The following GLIS1 variants were observed in gnomAD, a reference collection of about 807,000 sequenced individuals.
GLIS1 encodes zinc finger protein GLIS1.
GLIS1 carries 24 observed loss-of-function variants against 63.8 expected under a neutral mutation model. The observed-to-expected ratio is 0.38, with a 90% CI of 0.27 to 0.53. The LOEUF is 0.53. Among genes scored for constraint, GLIS1 ranks in the 20% least tolerant of loss-of-function variants. The pLI is 0.85. For missense variants in GLIS1, 1,036 were observed against 1,074.1 expected, an observed-to-expected ratio of 0.96 and a Z score of 0.50; for synonymous variants, 450 against 482.5, an observed-to-expected ratio of 0.93 and a Z score of 0.88.
chr1:53,586,104 G>A (rs1208272311), intron 4 of GLIS1, among the ~76,000 whole-genome samples: 1 of 152,112 alleles, frequency 6.6e-6, no homozygotes, highest in Admixed American at 6.5e-5. Context: ...ACGAGGCTCT[G>A]ACCTAATTGC....
intron 4 of GLIS1, among the ~76,000 whole-genome samples, chr1:53,580,253 C>G (rs1645072053): frequency 1.3e-5 from 2 of 152,198 alleles, no homozygotes; most frequent in African/African-American, 4.8e-5. Flanking sequence ...CCTGCACCCT[C>G]TTTCAGGGCT....
chr1:53,525,640 C>T (rs1460284514), intron 5 of GLIS1, among the ~76,000 whole-genome samples: 4 of 151,650 alleles, frequency 2.6e-5, no homozygotes, highest in Non-Finnish European at 5.9e-5. Flanking sequence ...CCCTCCAGGC[C>T]TCAGGCTCCC....
Position 53,623,136 on chromosome 1 carries a change from A to C in GLIS1, c.260-22858T>G, listed in dbSNP as rs543003986. Among the ~76,000 whole-genome samples, 11 of 152,344 alleles carry C rather than the reference A, an allele frequency of 7.2e-5. No individual in the cohort carries two copies. The East Asian group carries it at 9.6e-4, about 13-fold the overall frequency. ...ATTCTTTCTTTACAATTTCATATTA[A>C]TGGTTAATGTGTATCGAATCTGATA... On this transcript the variant is annotated intron_variant, in intron 2 of 10. Coordinates refer to ENST00000628545, the MANE Select transcript of GLIS1 (RefSeq NM_001367484.1).
At chr1:53,558,166 C>T (rs947772540) in intron 4 of GLIS1, among the ~76,000 whole-genome samples, 1 of 152,210 alleles carries the variant, frequency 6.6e-6, no homozygotes, top group Admixed American at 6.5e-5. Context: ...AGCCTGCCCT[C>T]GGAGGTGCAA....
intron 2 of GLIS1, among the ~76,000 whole-genome samples, chr1:53,636,216 C>A (rs1645720137): frequency 6.6e-6 from 1 of 152,040 alleles, no homozygotes; most frequent in Non-Finnish European, 1.5e-5. Context: ...ACAAATGAAA[C>A]CCAATAGCAT....
At chr1:53,559,387 A>C (rs1200633396) in intron 4 of GLIS1, among the ~76,000 whole-genome samples, 1 of 152,110 alleles carries the variant, frequency 6.6e-6, no homozygotes, top group African/African-American at 2.4e-5. Flanking sequence ...TTGGACTCTG[A>C]GATGGAAGGA....
At chr1:53,671,659 G>A (rs532187104) in intron 2 of GLIS1, among the ~76,000 whole-genome samples, 1 of 152,298 alleles carries the variant, frequency 6.6e-6, no homozygotes, top group East Asian at 1.9e-4. Flanking sequence ...CCCTCCATTA[G>A]GAATATTTTA....
intron 2 of GLIS1, among the ~76,000 whole-genome samples, chr1:53,694,523 C>T (rs1646443766): frequency 6.6e-6 from 1 of 152,196 alleles, no homozygotes; most frequent in Non-Finnish European, 1.5e-5. Flanking sequence ...CTGGGCCCAG[C>T]CCATGAATTA....
chr1:53,508,124 T>C (rs949702661), intron 10 of GLIS1, among the ~76,000 whole-genome samples: 1 of 150,320 alleles, frequency 6.7e-6, no homozygotes. Flanking sequence ...TGCACACAGA[T>C]GGGGTTCACG....
intron 2 of GLIS1, among the ~76,000 whole-genome samples, chr1:53,693,363 TC>T (rs10714858): frequency 0.25 from 38,372 of 152,038 alleles, 5,205 homozygotes; most frequent in African/African-American, 0.36. Flanking sequence ...AGATCCATCT[TC>T]CCTGCTGCTG....
chr1:53,606,701 C>A (rs11806501), intron 2 of GLIS1, among the ~76,000 whole-genome samples: 17 of 152,350 alleles, frequency 1.1e-4, no homozygotes, highest in Admixed American at 6.5e-4. Flanking sequence ...AGACCTGCTG[C>A]TTGCCTGGAG....
chr1:53,506,787 T>C lies in GLIS1; in HGVS notation c.2231-11A>G. 3 of 1,606,668 alleles carry C rather than the reference T, an allele frequency of 1.9e-6. No homozygotes were observed. Among genetic ancestry groups the C allele is most frequent in the South Asian group, 2.2e-5 (2 of 91,022 alleles). The stretch of plus-strand genomic sequence containing the variant: ...CCAGGGCCTCATAGCCTGTGAGTGG[T>C]TGGGAAAGGGTCAGCGCTGGAGGCA... On this transcript the variant is annotated splice_polypyrimidine_tract_variant and intron_variant, in intron 10 of 10. Coordinates refer to ENST00000628545, the MANE Select transcript of GLIS1 (RefSeq NM_001367484.1).
intron 4 of GLIS1, among the ~76,000 whole-genome samples, chr1:53,562,120 C>T (rs993880033): frequency 2.0e-5 from 3 of 152,160 alleles, no homozygotes; most frequent in Admixed American, 6.5e-5. Context: ...AGTGCATGCA[C>T]GGTTAAGGGG....
At chr1:53,570,651 G>T (rs145111719) in intron 4 of GLIS1, among the ~76,000 whole-genome samples, 31 of 152,266 alleles carry the variant, frequency 2.0e-4, no homozygotes, top group Non-Finnish European at 4.0e-4. Context: ...TAGGCTCATA[G>T]ATATACAGAG....
chr1:53,698,214 T>C (rs368608170), intron 2 of GLIS1, among the ~76,000 whole-genome samples: 3 of 152,244 alleles, frequency 2.0e-5, no homozygotes, highest in African/African-American at 7.2e-5. Flanking sequence ...GGAAGGACCT[T>C]AGGCCACAGC....
chr1:53,626,655 C>CCTT lies in GLIS1; in HGVS notation c.260-26378_260-26377insAAG, dbSNP rs200147932. 1.1e-4 allele frequency among the ~76,000 whole-genome samples: 16 copies of CCTT among 152,356 alleles called. No individual in the cohort carries two copies. In the East Asian group the frequency reaches 1.7e-3, roughly 17 times the overall value. On this transcript the variant is annotated intron_variant, in intron 2 of 10. Coordinates refer to ENST00000628545, the MANE Select transcript of GLIS1 (RefSeq NM_001367484.1). ...TGACAACCAAGATCTGAGAACACAG[C>CCTT]CTGGCTCAGAACAGAAATTCACCAA...
At chr1:53,543,566 T>C (rs890603161) in intron 4 of GLIS1, among the ~76,000 whole-genome samples, 23 of 152,300 alleles carry the variant, frequency 1.5e-4, no homozygotes, top group East Asian at 1.9e-4. Flanking sequence ...GAGTGGTCTA[T>C]TGATTTAGGA....
chr1:53,663,180 C>A (rs571205592), intron 2 of GLIS1, among the ~76,000 whole-genome samples: 2 of 152,210 alleles, frequency 1.3e-5, no homozygotes, highest in African/African-American at 2.4e-5. Context: ...CTGTGTGGCC[C>A]CAGCCCCATC....
rs137900143 is a variant in GLIS1 at position 53,715,747 on chromosome 1, C to T, written c.259+22059G>A. Among the ~76,000 whole-genome samples, 87 of 152,076 alleles carry T rather than the reference C, an allele frequency of 5.7e-4. 1 individual carries two copies. The highest frequency in any genetic ancestry group is 1.9e-3 in the African/African-American group (80 of 41,486). On this transcript the variant is annotated intron_variant, in intron 2 of 10. Coordinates refer to ENST00000628545, the MANE Select transcript of GLIS1 (RefSeq NM_001367484.1). ...ACTGTGCCTAATGTTACTGAGAGGA[C>T]GAGTGAGATGGAGGCAGACAGGGTG...
Sources: allele counts gnomAD v4.1 joint callset (sites outside exome capture counted in the v4.1 genomes callset), GRCh38; gene constraint gnomAD v4.1.1; transcripts MANE v1.5; gene names NCBI Gene and HGNC (gene_info 2026-07-23, HGNC 2026-07-21).